DEF8: variants seen among roughly 807,000 people sequenced by gnomAD.
DEF8 encodes the protein differentially expressed in FDCP 8 homolog.
Under a neutral mutation model 59.1 loss-of-function variants are expected in DEF8, and 38 were observed. The observed-to-expected ratio is 0.64, with a 90% CI of 0.50 to 0.84. The LOEUF is 0.84. Ranked by LOEUF, DEF8 falls within the 40% of genes least tolerant of loss-of-function variation. The pLI is 0.00. For missense variants in DEF8, 557 were observed against 615.2 expected (o/e 0.91, Z 1.00); for synonymous variants, 265 against 250.1 (o/e 1.06, Z -0.56).
At chr16:89,956,196 G>A (rs1247529731) in intron 4 of DEF8, among the ~76,000 whole-genome samples, 2 of 151,734 alleles carry the variant, frequency 1.3e-5, no homozygotes, top group Non-Finnish European at 2.9e-5. Context: ...GGTGGCTCAC[G>A]CCTGTAATCC....
rs943296921 is a variant in DEF8 at position 89,963,712 on chromosome 16, A to G, written c.1002+269A>G. 4 of 532,142 alleles carry G rather than the reference A, an allele frequency of 7.5e-6. No homozygotes were observed. The East Asian group carries it at 9.4e-5, about 12-fold the overall frequency. The allele number at this position is 532,142 out of a possible 1,614,324, so 33.0% of individuals were successfully genotyped here. A position where few individuals can be genotyped will look rare whatever the true frequency, so the allele number is the denominator to read the frequency against. ...TCGTCAGGCAGGTTGACCACAAAAC[A>G]CAGTTTTCAAGGTTCATCTAATTAT... On this transcript the variant is annotated intron_variant, in intron 10 of 12. Coordinates refer to ENST00000563594, the MANE Select transcript of DEF8 (RefSeq NM_001242818.2).
chr16:89,965,762 C>T (rs1042068519), intron 12 of DEF8, 99 bp from the exon 13 acceptor site: 81 of 722,526 alleles, frequency 1.1e-4, no homozygotes, highest in South Asian at 1.6e-4. Context: ...CCTTTGGTAA[C>T]GGCTGTAGAG....
Position 89,949,430 on chromosome 16 carries a change from C to A in DEF8, c.-94C>A, listed in dbSNP as rs908405140. ...TTCTCCCTGCAGCAGGTGCCGAACC[C>A]ACGGCCAGGCTTCCGTGGCCAGCAG... On this transcript the variant is annotated 5_prime_UTR_variant, in exon 2 of 13. Coordinates refer to ENST00000563594, the MANE Select transcript of DEF8 (RefSeq NM_001242818.2). The A allele has an allele frequency of 6.2e-7, 1 of 1,606,968 alleles. No individual in the cohort carries two copies. Among genetic ancestry groups the A allele is most frequent in the Non-Finnish European group, 8.5e-7 (1 of 1,178,480 alleles).
At chr16:89,951,945 T>G (rs1336000439) in intron 2 of DEF8, among the ~76,000 whole-genome samples, 1 of 152,076 alleles carries the variant, frequency 6.6e-6, no homozygotes, top group East Asian at 1.9e-4. Flanking sequence ...TGGTGCGTTC[T>G]CGGCTCACTG....
rs1172470387 is a variant in DEF8 at position 89,960,938 on chromosome 16, T to C, written c.522T>C (p.Tyr174=). 1.2e-6 allele frequency: 2 copies of C among 1,613,676 alleles called. No homozygotes were observed. Among genetic ancestry groups the C allele is most frequent in the Admixed American group, 1.7e-5 (1 of 60,014 alleles). ...IQTWYTCTGC[Y]YRCHSKCLNL... ...TGTGTCCCTCCACCCTAGGGTGTTA[T>C]TACCGCTGTCACAGTAAGTGCTTGA... The change falls in exon 7 of 13, where the codon TAT becomes TAC. Residue 174 remains tyrosine (Y), a synonymous_variant. Transcript: ENST00000563594.
At position 89,949,502 on chromosome 16, in the gene DEF8, C is replaced by A; in HGVS notation, c.-22C>A. 1 of 1,613,122 alleles carries A rather than the reference C, an allele frequency of 6.2e-7. No homozygotes were observed. Among genetic ancestry groups the A allele is most frequent in the Non-Finnish European group, 8.5e-7 (1 of 1,179,888 alleles). ...GTCCCTGCGAGCCCCTGGGCCCTGG[C>A]AGGCGATGCAGGTATGGGCAGACAG... On this transcript the variant is annotated 5_prime_UTR_variant, in exon 2 of 13. Coordinates refer to ENST00000563594, the MANE Select transcript of DEF8 (RefSeq NM_001242818.2).
chr16:89,964,964 G>A lies in DEF8; in HGVS notation c.1253+389G>A, dbSNP rs75186894. ...AGAGATTCCCAAACCTATAGTTCCT[G>A]CCACCCTTTAATGTCTCAGTAATTT... is the stretch of plus-strand genomic sequence containing the variant. On this transcript the variant is annotated intron_variant, in intron 12 of 12. Coordinates refer to ENST00000563594, the MANE Select transcript of DEF8 (RefSeq NM_001242818.2). Among the ~76,000 whole-genome samples, 13 of 152,222 alleles carry A rather than the reference G, an allele frequency of 8.5e-5. No homozygotes were observed. The East Asian group carries it at 2.5e-3, about 29-fold the overall frequency.
chr16:89,953,255 T>G (rs1229506885), intron 2 of DEF8, among the ~76,000 whole-genome samples: 1 of 152,104 alleles, frequency 6.6e-6, no homozygotes, highest in Non-Finnish European at 1.5e-5. Flanking sequence ...CATTTCACCC[T>G]CACAATGGCC....
chr16:89,949,287 G>T lies in DEF8; in HGVS notation c.-107-130G>T, dbSNP rs1306004136. ...GTGCCCCCGCCCTGGGCTGCTCCGA[G>T]CCTCAGTTTCCCCCTCGGTGGAACG... On this transcript the variant is annotated intron_variant, in intron 1 of 12. Transcript: ENST00000563594. The T allele has an allele frequency of 1.4e-5, 11 of 767,070 alleles. No individual in the cohort carries two copies. The African/African-American group carries it at 2.0e-4, about 14-fold the overall frequency. 47.5% of individuals were successfully genotyped at this position (767,070 alleles called of 1,614,324 possible).
chr16:89,957,675 G>T lies in DEF8; in HGVS notation c.372+15G>T. ...AGGAGCTGAAGGTGGGTGTGGGGCC[G>T]CCCCGCCGTGGGGCAGCCTGGGGCC... On this transcript the variant is annotated intron_variant, in intron 5 of 12. Coordinates refer to ENST00000563594, the MANE Select transcript of DEF8 (RefSeq NM_001242818.2). The T allele has an allele frequency of 6.5e-7, 1 of 1,534,056 alleles. No individual in the cohort carries two copies. The highest frequency in any genetic ancestry group is 8.8e-7 in the Non-Finnish European group (1 of 1,137,288).
Position 89,960,988 on chromosome 16 carries a change from G to A in DEF8, c.572G>A (p.Ser191Asn), listed in dbSNP as rs1251272921. ...CLNLISKPCV[S>N]SKVSHQAEYE... Reference sequence around the variant, plus strand: ...AACCTCATCTCCAAGCCCTGTGTGAGCTCCAAAGTCAGCCACCAAGCTGAA... The same window carrying A: ...AACCTCATCTCCAAGCCCTGTGTGAACTCCAAAGTCAGCCACCAAGCTGAA... The change falls in exon 7 of 13, where the codon AGC becomes AAC. Residue 191 changes from serine to asparagine, a missense_variant. Transcript: ENST00000563594. 1.9e-6 allele frequency: 3 copies of A among 1,614,158 alleles called. No homozygotes were observed. Among genetic ancestry groups the A allele is most frequent in the Non-Finnish European group, 2.5e-6 (3 of 1,180,024 alleles).
At chr16:89,959,605 C>T (rs1389728760) in intron 6 of DEF8, among the ~76,000 whole-genome samples, 1 of 152,272 alleles carries the variant, frequency 6.6e-6, no homozygotes, top group South Asian at 2.1e-4. Flanking sequence ...CACCGTTCTC[C>T]TGCCTCAGCC....
At chr16:89,961,173 C>A in intron 7 of DEF8, 78 bp downstream of exon 7, 1 of 1,537,286 alleles carries the variant, frequency 6.5e-7, no homozygotes, top group Non-Finnish European at 8.8e-7. Context: ...TGTAAGGGCA[C>A]GTAAGTCAGA....
chr16:89,953,489 C>A (rs1236985585), intron 2 of DEF8, among the ~76,000 whole-genome samples: 1 of 152,232 alleles, frequency 6.6e-6, no homozygotes, highest in Non-Finnish European at 1.5e-5. Flanking sequence ...TAGGCCCTTC[C>A]GGCCTGTTTC....
chr16:89,967,893 G>C lies in DEF8; in HGVS notation c.*1930G>C, dbSNP rs760976640. The stretch of plus-strand genomic sequence containing the variant: ...TGACACAGCCGGTAAACGGAATCAC[G>C]TATGGTTCTTTCTGTGGGTCTGTGG... On this transcript the variant is annotated 3_prime_UTR_variant, in exon 13 of 13. Coordinates refer to ENST00000563594, the MANE Select transcript of DEF8 (RefSeq NM_001242818.2). 1 of 154,516 alleles carries C rather than the reference G, an allele frequency of 6.5e-6. No homozygotes were observed. Among genetic ancestry groups the C allele is most frequent in the Non-Finnish European group, 1.4e-5 (1 of 69,700 alleles). The allele number at this position is 154,516 out of a possible 1,614,324, so 9.6% of individuals were successfully genotyped here.
intron 8 of DEF8, 26 bp downstream of exon 8, chr16:89,961,890 C>A: frequency 6.3e-7 from 1 of 1,597,378 alleles, no homozygotes; most frequent in Non-Finnish European, 8.5e-7. Context: ...TGGGGGCATC[C>A]CCCTGGGGAG....
chr16:89,963,729 T>C (rs1229846849), intron 10 of DEF8: 2 of 518,240 alleles, frequency 3.9e-6, no homozygotes, highest in Admixed American at 6.6e-5. Context: ...TCAAGGTTCA[T>C]CTAATTATGT....
intron 2 of DEF8, 141 bp downstream of exon 2, chr16:89,949,654 G>C (rs546328048): frequency 6.2e-7 from 1 of 1,601,236 alleles, no homozygotes; most frequent in East Asian, 2.2e-5. Flanking sequence ...TGCATCCCGC[G>C]TGTCCTGAGC....
chr16:89,952,004 A>G (rs2032217551), intron 2 of DEF8, among the ~76,000 whole-genome samples: 1 of 151,816 alleles, frequency 6.6e-6, no homozygotes, highest in Non-Finnish European at 1.5e-5. Flanking sequence ...CAGCCTCCCG[A>G]GTAGCTGGGG....
Sources: allele counts gnomAD v4.1 joint callset (sites outside exome capture counted in the v4.1 genomes callset), GRCh38; gene constraint gnomAD v4.1.1; transcripts MANE v1.5; gene names NCBI Gene and HGNC (gene_info 2026-07-23, HGNC 2026-07-21).